The following SC5D variants were observed in gnomAD, a reference collection of about 807,000 sequenced individuals.
SC5D encodes the protein sterol-C5-desaturase, also known as lathosterol oxidase.
A neutral mutation model predicts 23.9 loss-of-function variants in SC5D; 21 were observed. That is an observed-to-expected ratio of 0.88 (90% CI 0.62 to 1.26). The LOEUF (loss-of-function observed/expected upper bound fraction) is 1.26. Ranked by LOEUF, SC5D falls within the 50% of genes most tolerant of loss-of-function variation. SC5D has a pLI of 0.00. For missense variants in SC5D, 309 were observed against 364.8 expected, an observed-to-expected ratio of 0.85 and a Z score of 1.25; for synonymous variants, 113 against 125.9, an observed-to-expected ratio of 0.90 and a Z score of 0.68.
chr11:121,298,723 G>A (rs1026236777), intron 1 of SC5D, among the ~76,000 whole-genome samples: 5 of 152,104 alleles, frequency 3.3e-5, no homozygotes, highest in South Asian at 2.1e-4. Context: ...TGTCACGCAC[G>A]TCCATGTGAA....
rs886047872 is a variant in SC5D at position 121,311,912 on chromosome 11, T to C, written c.*4400T>C. On this transcript the variant is annotated 3_prime_UTR_variant, in exon 5 of 5. Transcript: ENST00000264027. ...GTTGCAGAGGGCAGAAGCCTAGATA[T>C]TTTCACCTTAAAATTGGAGGGTGAA... Among the ~76,000 whole-genome samples, 1 of 152,160 alleles carries C rather than the reference T, an allele frequency of 6.6e-6. No homozygotes were observed. The highest frequency in any genetic ancestry group is 1.9e-4 in the East Asian group (1 of 5,196).
At chr11:121,302,015 A>G (rs531534458) in intron 1 of SC5D, among the ~76,000 whole-genome samples, 1 of 152,330 alleles carries the variant, frequency 6.6e-6, no homozygotes, top group South Asian at 2.1e-4. Context: ...TGTGGTTTAC[A>G]GTGACATGGA....
rs1334068809 is a variant in SC5D, at chr11:121,306,191, C to T, written c.344-195C>T. 12 of 570,238 alleles carry T rather than the reference C, an allele frequency of 2.1e-5. No homozygotes were observed. In the East Asian group the frequency reaches 2.8e-4, roughly 13 times the overall value. The allele number at this position is 570,238 out of a possible 1,614,324, so 35.3% of individuals were successfully genotyped here. On this transcript the variant is annotated intron_variant, in intron 3 of 4. Transcript: ENST00000264027. ...AGGTAGAACATTTCAAGTACTTATG[C>T]GAGGGAAATGAGGAAATGACCAGAT...
chr11:121,303,599 T>C lies in SC5D; in HGVS notation c.210+14T>C. On this transcript the variant is annotated intron_variant, in intron 2 of 4. Coordinates refer to ENST00000264027, the MANE Select transcript of SC5D (RefSeq NM_006918.5). Reference sequence around the variant, plus strand: ...CAATTTTTAAAGGTAAGAAATGTTTTTACCTATTTTCTAACGATTAAAGTA... The same window carrying C: ...CAATTTTTAAAGGTAAGAAATGTTTCTACCTATTTTCTAACGATTAAAGTA... The C allele has an allele frequency of 6.4e-7, 1 of 1,563,394 alleles. No homozygotes were observed. Among genetic ancestry groups the C allele is most frequent in the East Asian group, 2.2e-5 (1 of 44,608 alleles).
chr11:121,293,065 G>C (rs1469234210), intron 1 of SC5D: 1 of 152,302 alleles, frequency 6.6e-6, no homozygotes. Flanking sequence ...CCGAGTGAGA[G>C]GAGAGGCTGG....
At chr11:121,304,855 C>T in intron 3 of SC5D, 1 of 254,834 alleles carries the variant, frequency 3.9e-6, no homozygotes, top group Non-Finnish European at 7.7e-6. Context: ...TATTCTGCTT[C>T]TTAGAAACTG....
In SC5D at chr11:121,293,539, T is replaced by G. The variant is rs118177620; in HGVS notation, c.-11+723T>G. ...TTTTGCATCATAAAAGGAAAAATAA[T>G]GTATACTGACATCCCTGTGTTACAG... On this transcript the variant is annotated intron_variant, in intron 1 of 4. Transcript: ENST00000264027. 4.3e-3 allele frequency among the ~76,000 whole-genome samples: 656 copies of G among 152,258 alleles called. 3 individuals carry two copies. The highest frequency in any genetic ancestry group is 7.1e-3 in the Non-Finnish European group (485 of 68,022).
intron 4 of SC5D, 154 bp downstream of exon 4, chr11:121,306,640 A>G (rs1565570094): frequency 4.3e-6 from 3 of 696,034 alleles, no homozygotes; most frequent in South Asian, 3.0e-5. Flanking sequence ...TTTTGTTCAT[A>G]TTCTTCTTTA....
At chr11:121,301,762 CAATA>C (rs1203954878) in intron 1 of SC5D, among the ~76,000 whole-genome samples, 1 of 151,846 alleles carries the variant, frequency 6.6e-6, no homozygotes, top group Non-Finnish European at 1.5e-5. Context: ...AATTATATCT[CAATA>C]AACCTGTTTC....
At chr11:121,304,598 C>T (rs1183982070) in intron 3 of SC5D, 105 bp downstream of exon 3, 1 of 963,730 alleles carries the variant, frequency 1.0e-6, no homozygotes, top group Non-Finnish European at 1.6e-6. Context: ...AAAATAATTA[C>T]AAATTATTCA....
Position 121,303,385 on chromosome 11 carries a change from G to A in SC5D, c.10G>A (p.Val4Ile). The change falls in exon 2 of 5, where the codon GTA (valine) becomes ATA (isoleucine). Residue 4 changes from valine to isoleucine, a missense_variant. By Grantham distance (29) the Val-to-Ile change is conservative. Transcript: ENST00000264027. ...TTTTAGGGGCTAAGTGATGGATCTT[G>A]TACTCCGTGTTGCAGATTACTATTT... MDL[V>I]LRVADYYFFT... 1 of 1,613,764 alleles carries A rather than the reference G, an allele frequency of 6.2e-7. No individual in the cohort carries two copies. Among genetic ancestry groups the A allele is most frequent in the Non-Finnish European group, 8.5e-7 (1 of 1,179,728 alleles).
At chr11:121,293,902 G>A (rs539507982) in intron 1 of SC5D, among the ~76,000 whole-genome samples, 1 of 152,252 alleles carries the variant, frequency 6.6e-6, no homozygotes, top group African/African-American at 2.4e-5. Context: ...ATCCCAGCTG[G>A]TTTTTTCTGT....
At chr11:121,293,374 C>G (rs1485068890) in intron 1 of SC5D, among the ~76,000 whole-genome samples, 5 of 152,138 alleles carry the variant, frequency 3.3e-5, no homozygotes, top group Non-Finnish European at 5.9e-5. Context: ...CTTTTAAAGG[C>G]CAGAAGAATC....
chr11:121,306,809 G>A, intron 4 of SC5D: 1 of 626,060 alleles, frequency 1.6e-6, no homozygotes, highest in South Asian at 1.9e-5. Context: ...CACTCTTCAG[G>A]TGCTAGGTAC....
intron 1 of SC5D, among the ~76,000 whole-genome samples, chr11:121,300,487 GC>G (rs575048101): frequency 2.1e-4 from 32 of 152,312 alleles, no homozygotes; most frequent in South Asian, 1.2e-3. Flanking sequence ...CTGTCTTAGA[GC>G]TTGTTCAATA....
intron 1 of SC5D, among the ~76,000 whole-genome samples, chr11:121,293,393 G>A (rs1475660640): frequency 6.6e-6 from 1 of 152,230 alleles, no homozygotes; most frequent in South Asian, 2.1e-4. Flanking sequence ...TCAGGCTGAA[G>A]AACTGGTCGG....
chr11:121,303,293 A>T, intron 1 of SC5D, 73 bp from the exon 2 acceptor site: 2 of 1,127,992 alleles, frequency 1.8e-6, no homozygotes, highest in Non-Finnish European at 2.7e-6. Flanking sequence ...CTTGAGATAT[A>T]GTGTTTCTGA....
chr11:121,306,647 T>C (rs1331132052), intron 4 of SC5D, 161 bp downstream of exon 4: 2 of 694,462 alleles, frequency 2.9e-6, no homozygotes, highest in Non-Finnish European at 2.6e-6. Context: ...CATATTCTTC[T>C]TTATGGGTCT....
chr11:121,294,795 A>T (rs942111995), intron 1 of SC5D, among the ~76,000 whole-genome samples: 2 of 152,226 alleles, frequency 1.3e-5, no homozygotes, highest in Non-Finnish European at 2.9e-5. Flanking sequence ...GCACGATACT[A>T]TTCTAGGTAT....
Sources: allele counts gnomAD v4.1 joint callset (sites outside exome capture counted in the v4.1 genomes callset), GRCh38; gene constraint gnomAD v4.1.1; transcripts MANE v1.5; gene names NCBI Gene and HGNC (gene_info 2026-07-23, HGNC 2026-07-21).